LAMA2: variants seen among roughly 807,000 people sequenced by gnomAD.
LAMA2 encodes laminin subunit alpha-2.
Under a neutral mutation model 364.8 loss-of-function variants are expected in LAMA2, and 269 were observed. That is an observed-to-expected ratio of 0.74 (90% CI 0.67 to 0.82). The LOEUF (loss-of-function observed/expected upper bound fraction) is 0.82, where lower values mean the gene tolerates loss of function less well. Among genes scored for constraint, LAMA2 ranks in the 40% least tolerant of loss-of-function variants. The pLI, the probability that LAMA2 is intolerant of heterozygous loss-of-function variation, is 0.00. For synonymous variants in LAMA2, 1,379 were observed against 1,370.6 expected (o/e 1.01, Z -0.14); for missense variants, 3,807 against 3,873.2 (o/e 0.98, Z 0.45).
intron 58 of LAMA2, among the ~76,000 whole-genome samples, chr6:129,497,157 G>A (rs57876406): frequency 6.6e-6 from 1 of 152,102 alleles, no homozygotes; most frequent in Admixed American, 6.5e-5. Context: ...GATATGTAAT[G>A]ATGATATATA....
chr6:129,058,451 A>G (rs1027011003), intron 2 of LAMA2, among the ~76,000 whole-genome samples: 3 of 152,182 alleles, frequency 2.0e-5, no homozygotes, highest in Non-Finnish European at 2.9e-5. Context: ...GATTTTCACA[A>G]TTGGTCCTGT....
At chr6:128,975,143 C>T (rs755857663) in intron 1 of LAMA2, among the ~76,000 whole-genome samples, 27 of 152,148 alleles carry the variant, frequency 1.8e-4, no homozygotes, top group East Asian at 7.7e-4. Context: ...TGAGCCATCG[C>T]GCCTGGCCAT....
rs144926286 is a variant in LAMA2 at position 129,462,190 on chromosome 6, G to A, written c.6992+1866G>A. 1.4e-3 allele frequency among the ~76,000 whole-genome samples: 211 copies of A among 152,122 alleles called. 1 individual carries two copies. Among genetic ancestry groups the A allele is most frequent in the African/African-American group, 4.9e-3 (202 of 41,534 alleles). On this transcript the variant is annotated intron_variant, in intron 49 of 64. Transcript: ENST00000421865. Reference sequence around the variant, plus strand: ...ACTCATACAAGATTGGCAAATGGGAGAATGATTCGGGTAAGATGCAGTGGC... The same window carrying A: ...ACTCATACAAGATTGGCAAATGGGAAAATGATTCGGGTAAGATGCAGTGGC...
intron 14 of LAMA2, among the ~76,000 whole-genome samples, chr6:129,256,252 G>C (rs1470938681): frequency 6.6e-6 from 1 of 152,120 alleles, no homozygotes; most frequent in Non-Finnish European, 1.5e-5. Context: ...GTTGGACAAG[G>C]CTCTTTACTC....
At chr6:129,314,881 G>GA (rs2114499700) in intron 24 of LAMA2, 83 bp downstream of exon 24, 3 of 1,430,116 alleles carry the variant, frequency 2.1e-6, no homozygotes, top group South Asian at 2.3e-5. Context: ...AGGGGTAGTA[G>GA]AAAATGGCAA....
chr6:129,393,094 C>G lies in LAMA2; in HGVS notation c.5284C>G (p.Arg1762Gly), dbSNP rs746492572. 8.7e-6 allele frequency: 14 copies of G among 1,613,570 alleles called. No individual in the cohort carries two copies. The highest frequency in any genetic ancestry group is 1.1e-5 in the Non-Finnish European group (13 of 1,179,914). ...AGTGAAGAAGCTGTTTGGAGAGTCC[C>G]GGGGGGAAAATGAAGAAATGGAGAA... is the stretch of plus-strand genomic sequence containing the variant. ...KKVKKLFGESRGENEEMEKDL... is the reference protein window; with the variant it reads ...KKVKKLFGESGGENEEMEKDL... Residue 1762 changes from arginine to glycine, a missense_variant, in exon 37 of 65, where the codon CGG (arginine) becomes GGG (glycine). Arg to Gly is a moderately radical substitution (Grantham distance 125). Transcript: ENST00000421865.
chr6:128,982,335 G>A (rs1202209735), intron 1 of LAMA2, among the ~76,000 whole-genome samples: 1 of 152,046 alleles, frequency 6.6e-6, no homozygotes, highest in Admixed American at 6.6e-5. Flanking sequence ...TGTATCTATA[G>A]CCAACAGATC....
chr6:129,160,122 C>A (rs1779361483), intron 8 of LAMA2, among the ~76,000 whole-genome samples: 2 of 152,000 alleles, frequency 1.3e-5, no homozygotes, highest in African/African-American at 4.8e-5. Context: ...AACAAATGAT[C>A]GGGGAAATGC....
intron 1 of LAMA2, among the ~76,000 whole-genome samples, chr6:128,966,285 G>A (rs1781836204): frequency 6.6e-6 from 1 of 151,900 alleles, no homozygotes; most frequent in South Asian, 2.1e-4. Context: ...TGTTGTGACT[G>A]TTTTTGTGTT....
chr6:129,320,449 T>G, intron 27 of LAMA2, 89 bp from the exon 28 acceptor site: 2 of 826,774 alleles, frequency 2.4e-6, no homozygotes, highest in Non-Finnish European at 4.3e-6. Context: ...GACAAAAACG[T>G]GAGAAGGATA....
chr6:129,282,420 A>G (rs541638723), intron 18 of LAMA2, among the ~76,000 whole-genome samples: 1 of 152,170 alleles, frequency 6.6e-6, no homozygotes, highest in Non-Finnish European at 1.5e-5. Context: ...GGGAACTGTG[A>G]GGTCTTAGAA....
At chr6:129,315,253 G>A (rs1045068540) in intron 24 of LAMA2, among the ~76,000 whole-genome samples, 3 of 152,166 alleles carry the variant, frequency 2.0e-5, no homozygotes, top group Non-Finnish European at 4.4e-5. Flanking sequence ...GTGTTAGTGT[G>A]AAAGGCTCCA....
chr6:129,393,436 TA>T (rs1779434467), intron 37 of LAMA2, among the ~76,000 whole-genome samples, 181 bp downstream of exon 37: 1 of 152,196 alleles, frequency 6.6e-6, no homozygotes, highest in Non-Finnish European at 1.5e-5. Context: ...GTTTTGTTTT[TA>T]ATGACCAGTT....
At chr6:129,378,323 A>G (rs9483017) in intron 34 of LAMA2, among the ~76,000 whole-genome samples, 3,359 of 152,330 alleles carry the variant, frequency 0.022, 125 homozygotes, top group African/African-American at 0.077. Flanking sequence ...GCATTCATTC[A>G]TAACATTATC....
intron 1 of LAMA2, among the ~76,000 whole-genome samples, chr6:128,966,162 G>A (rs184469276): frequency 2.8e-4 from 42 of 151,820 alleles, no homozygotes; most frequent in Admixed American, 2.4e-3. Context: ...TAAAGATTCT[G>A]TTGAATAGGT....
rs563766559 is a variant in LAMA2, at chr6:129,308,990, T to C, written c.3175-3871T>C. 2.2e-4 allele frequency among the ~76,000 whole-genome samples: 33 copies of C among 152,268 alleles called. 1 individual carries two copies. The East Asian group carries it at 5.6e-3, about 26-fold the overall frequency. Reference sequence around the variant, plus strand: ...TCCCACCAGGCTCCACCTCCAACACTGGGGATTATATTTTAACACGAGAAT... The same window carrying C: ...TCCCACCAGGCTCCACCTCCAACACCGGGGATTATATTTTAACACGAGAAT... On this transcript the variant is annotated intron_variant, in intron 22 of 64. Coordinates refer to ENST00000421865, the MANE Select transcript of LAMA2 (RefSeq NM_000426.4).
At position 129,503,119 on chromosome 6, in the gene LAMA2, G is replaced by A. The variant is rs754290043; in HGVS notation, c.8386G>A (p.Glu2796Lys). The A allele has an allele frequency of 1.9e-5, 31 of 1,614,170 alleles. No homozygotes were observed. Among genetic ancestry groups the A allele is most frequent in the East Asian group, 4.5e-5 (2 of 44,874 alleles). The change falls in exon 60 of 65, where the codon GAA (glutamate) becomes AAA (lysine). Residue 2796 changes from glutamate (E) to lysine (K), a missense_variant. By Grantham distance (56) the Glu-to-Lys change is moderately conservative (BLOSUM62 1). Around this residue, in one of 3 missense-constraint regions of LAMA2, gnomAD observed 3,333 missense variants for 3,345.7 expected, o/e 1.00. Transcript: ENST00000421865. The stretch of plus-strand genomic sequence containing the variant: ...CACAATTGAGTTGGAAGTAAGAACC[G>A]AAGCTGAATCCGGCTTGCTTTTTTA... ...RLTIELEVRT[E>K]AESGLLFYMA... is the part of the protein sequence containing the mutation.
At chr6:129,260,283 T>G (rs1787026096) in intron 14 of LAMA2, among the ~76,000 whole-genome samples, 1 of 152,144 alleles carries the variant, frequency 6.6e-6, no homozygotes, top group Non-Finnish European at 1.5e-5. Flanking sequence ...CATCTTTTAT[T>G]TCAATTTAAA....
At chr6:129,159,061 A>T in intron 8 of LAMA2, 1 of 1,582,028 alleles carries the variant, frequency 6.3e-7, no homozygotes, top group Non-Finnish European at 8.7e-7. Flanking sequence ...GTCCTTGAAC[A>T]CGAGAAATGA....
Sources: gnomAD v4.1 joint callset for allele counts (sites outside exome capture counted in the v4.1 genomes callset) on GRCh38, gnomAD v4.1.1 for gene constraint, gnomAD v4.1.1 regional missense constraint, MANE v1.5 for transcripts, NCBI Gene and HGNC (gene_info 2026-07-23, HGNC 2026-07-21) for gene names.